Variants in MAP2 observed in about 807,000 individuals in gnomAD.
MAP2 encodes microtubule-associated protein 2.
In MAP2, 14 loss-of-function variants were observed where a neutral mutation model predicts 137.6. The ratio of observed to expected loss-of-function variants is 0.10; its 90% CI spans 0.07 to 0.16. MAP2 has a LOEUF of 0.16. MAP2 is among the 10% of genes least tolerant of loss of function. MAP2 has a pLI of 1.00. For synonymous variants in MAP2, 786 were observed against 782.3 expected (o/e 1.00, Z -0.08); for missense variants, 2,088 against 2,191.5 (o/e 0.95, Z 0.94).
chr2:209,691,839 A>G (rs1204719837), intron 7 of MAP2, among the ~76,000 whole-genome samples: 2 of 152,228 alleles, frequency 1.3e-5, no homozygotes, highest in Non-Finnish European at 2.9e-5. Context: ...ACTTCCCAGT[A>G]TCAACAGTGT....
intron 5 of MAP2, among the ~76,000 whole-genome samples, chr2:209,673,761 C>T (rs2049966168): frequency 6.6e-6 from 1 of 151,562 alleles, no homozygotes; most frequent in Non-Finnish European, 1.5e-5. Context: ...ACAACTAAGT[C>T]CTGGTTGTTA....
intron 6 of MAP2, 24 bp downstream of exon 6, chr2:209,678,709 A>G (rs1418061273): frequency 6.9e-7 from 1 of 1,438,870 alleles, no homozygotes; most frequent in Non-Finnish European, 9.6e-7. Context: ...TTCTCAGGTC[A>G]GGGACTGTGT....
intron 2 of MAP2, among the ~76,000 whole-genome samples, chr2:209,543,996 G>C (rs1226651700): frequency 1.3e-5 from 2 of 152,148 alleles, no homozygotes; most frequent in African/African-American, 4.8e-5. Flanking sequence ...TTGGGAGGCC[G>C]AGGTGGGCGG....
At chr2:209,697,875 A>G (rs1583808688) in intron 10 of MAP2, among the ~76,000 whole-genome samples, 1 of 152,038 alleles carries the variant, frequency 6.6e-6, no homozygotes, top group East Asian at 1.9e-4. Flanking sequence ...CCAAGACGGA[A>G]TCTCGCTCTG....
chr2:209,564,490 A>G (rs1163154243), intron 2 of MAP2, among the ~76,000 whole-genome samples: 1 of 148,006 alleles, frequency 6.8e-6, no homozygotes, highest in Non-Finnish European at 1.5e-5. Flanking sequence ...GCTTACCTCT[A>G]GACTTCTGAG....
At chr2:209,460,827 C>T (rs1702603767) in intron 1 of MAP2, among the ~76,000 whole-genome samples, 1 of 152,082 alleles carries the variant, frequency 6.6e-6, no homozygotes, top group Non-Finnish European at 1.5e-5. Context: ...TGGCTCACTG[C>T]AACCTCTGCC....
At chr2:209,683,204 C>G (rs971176715) in intron 7 of MAP2, among the ~76,000 whole-genome samples, 10 of 152,106 alleles carry the variant, frequency 6.6e-5, no homozygotes, top group African/African-American at 2.2e-4. Context: ...GTCAACTTTC[C>G]AGAGTTCCCT....
At chr2:209,594,196 T>C (rs2080592027) in intron 3 of MAP2, among the ~76,000 whole-genome samples, 1 of 149,560 alleles carries the variant, frequency 6.7e-6, no homozygotes, top group Non-Finnish European at 1.5e-5. Flanking sequence ...GCTGGCAAGC[T>C]GGCAATGAGC....
rs758141796 is a variant in MAP2 at position 209,705,715 on chromosome 2, C to G, written c.4720C>G (p.Arg1574Gly). ...SLNSSISSSA[R>G]RTTRSEPIRR... ...CAACAGTTCTATCTCTTCTTCAGCA[C>G]GGCGGACCACCAGTAGGTTTATTTT... Residue 1574 changes from arginine to glycine, a missense_variant, in exon 12 of 16, where the codon CGG becomes GGG. Arg to Gly is a moderately radical substitution (Grantham distance 125). Around this residue, in one of 6 missense-constraint regions of MAP2, gnomAD observed 591 missense variants for 642.6 expected, o/e 0.92. Transcript: ENST00000682079. 3.7e-6 allele frequency: 6 copies of G among 1,612,226 alleles called. No homozygotes were observed. In the Admixed American group the frequency reaches 1.0e-4, roughly 27 times the overall value.
In MAP2 at chr2:209,676,676, G is replaced by A. The variant is rs113692166; in HGVS notation, c.263-1896G>A. 4.5e-3 allele frequency among the ~76,000 whole-genome samples: 625 copies of A among 139,636 alleles called. 7 individuals are homozygous for A. Among genetic ancestry groups the A allele is most frequent in the African/African-American group, 0.016 (597 of 37,386 alleles). 91.6% of individuals were successfully genotyped at this position (139,636 alleles called of 152,430 possible). On this transcript the variant is annotated intron_variant, in intron 5 of 15. Coordinates refer to ENST00000682079, the MANE Select transcript of MAP2 (RefSeq NM_001375505.1). Reference sequence around the variant, plus strand: ...TAGGAAGACACTACAGTTTGCATACGTGCTAATAGAAAGATGCAGGAATGA... The same window carrying A: ...TAGGAAGACACTACAGTTTGCATACATGCTAATAGAAAGATGCAGGAATGA...
chr2:209,647,552 A>G (rs2153595363), intron 4 of MAP2, among the ~76,000 whole-genome samples: 1 of 152,322 alleles, frequency 6.6e-6, no homozygotes, highest in South Asian at 2.1e-4. Flanking sequence ...ATATACTATG[A>G]TACAGCTTAA....
intron 3 of MAP2, among the ~76,000 whole-genome samples, chr2:209,583,769 AT>A (rs3036666): frequency 6.1e-4 from 90 of 148,456 alleles, no homozygotes; most frequent in African/African-American, 1.9e-3. Context: ...GACATAAATG[AT>A]TTTTTTTTTT....
At chr2:209,550,755 G>A (rs1422337429) in intron 2 of MAP2, among the ~76,000 whole-genome samples, 1 of 152,046 alleles carries the variant, frequency 6.6e-6, no homozygotes, top group Admixed American at 6.6e-5. Flanking sequence ...TTTTGTCATG[G>A]ATTAAATATT....
chr2:209,724,797 A>G (rs987538204), intron 13 of MAP2, among the ~76,000 whole-genome samples: 3 of 152,228 alleles, frequency 2.0e-5, no homozygotes, highest in African/African-American at 7.2e-5. Context: ...GACTGTAAGT[A>G]TACACCATGT....
intron 2 of MAP2, among the ~76,000 whole-genome samples, chr2:209,553,478 CAT>C (rs1192685973): frequency 6.6e-6 from 1 of 152,082 alleles, no homozygotes; most frequent in African/African-American, 2.4e-5. Context: ...TTTACAAGAA[CAT>C]ATAAGATAAC....
chr2:209,440,188 A>T lies in MAP2; in HGVS notation c.-222+15912A>T, dbSNP rs534924377. ...ATTCTCTTATTCACCATGATATCCCAGTTGTGTCTATGAAGGGAATGGTCA... is the reference window on the plus strand; with the variant it reads ...ATTCTCTTATTCACCATGATATCCCTGTTGTGTCTATGAAGGGAATGGTCA... On this transcript the variant is annotated intron_variant, in intron 1 of 15. Coordinates refer to ENST00000682079, the MANE Select transcript of MAP2 (RefSeq NM_001375505.1). 3.3e-5 allele frequency among the ~76,000 whole-genome samples: 5 copies of T among 151,592 alleles called. No individual in the cohort carries two copies. The East Asian group carries it at 9.7e-4, about 29-fold the overall frequency.
chr2:209,607,895 G>A (rs1378133385), intron 3 of MAP2, among the ~76,000 whole-genome samples: 2 of 152,134 alleles, frequency 1.3e-5, no homozygotes, highest in Non-Finnish European at 2.9e-5. Context: ...CCTTTTGCTA[G>A]TCAAACTCCT....
At chr2:209,447,839 C>T (rs996335500) in intron 1 of MAP2, among the ~76,000 whole-genome samples, 2 of 152,002 alleles carry the variant, frequency 1.3e-5, no homozygotes, top group African/African-American at 2.4e-5. Flanking sequence ...AGAGACACAA[C>T]AAGGACTGCA....
intron 1 of MAP2, among the ~76,000 whole-genome samples, chr2:209,436,149 T>C (rs979846966): frequency 6.6e-6 from 1 of 150,570 alleles, no homozygotes; most frequent in African/African-American, 2.4e-5. Flanking sequence ...ATTAAGTTAG[T>C]AAACAGTTTT....
Sources: gnomAD v4.1 joint callset for allele counts (sites outside exome capture counted in the v4.1 genomes callset) on GRCh38, gnomAD v4.1.1 for gene constraint, gnomAD v4.1.1 regional missense constraint, MANE v1.5 for transcripts, NCBI Gene and HGNC (gene_info 2026-07-23, HGNC 2026-07-21) for gene names.